The following BMP6 variants were observed in gnomAD, a reference collection of about 807,000 sequenced individuals.
BMP6 encodes bone morphogenetic protein 6.
Under a neutral mutation model 54.1 loss-of-function variants are expected in BMP6, and 17 were observed. That is an observed-to-expected ratio of 0.31 (90% CI 0.22 to 0.47). The LOEUF (loss-of-function observed/expected upper bound fraction) is 0.47, where lower values mean the gene tolerates loss of function less well. Ranked by LOEUF, BMP6 falls within the 20% of genes least tolerant of loss-of-function variation. BMP6 has a pLI of 1.00. For missense variants in BMP6, 720 were observed against 690.4 expected (o/e 1.04, Z -0.48); for synonymous variants, 328 against 291.2 (o/e 1.13, Z -1.28).
intron 1 of BMP6, among the ~76,000 whole-genome samples, chr6:7,762,833 A>G (rs1395592932): frequency 6.6e-6 from 1 of 152,182 alleles, no homozygotes; most frequent in African/African-American, 2.4e-5. Flanking sequence ...GGATAGGAGT[A>G]TGTTGCTAGA....
At chr6:7,874,065 A>G (rs1050347988) in intron 4 of BMP6, among the ~76,000 whole-genome samples, 6 of 152,118 alleles carry the variant, frequency 3.9e-5, no homozygotes, top group Non-Finnish European at 7.4e-5. Context: ...GGGCGTTAGG[A>G]CCTTGGGGTC....
At chr6:7,823,629 C>T (rs1385608982) in intron 1 of BMP6, among the ~76,000 whole-genome samples, 1 of 152,160 alleles carries the variant, frequency 6.6e-6, no homozygotes, top group Non-Finnish European at 1.5e-5. Context: ...GTCTACCTAA[C>T]ACAGAAGGTC....
At chr6:7,755,526 C>T (rs951612388) in intron 1 of BMP6, among the ~76,000 whole-genome samples, 1 of 152,128 alleles carries the variant, frequency 6.6e-6, no homozygotes, top group South Asian at 2.1e-4. Context: ...TGTTACAAAG[C>T]CCATAATACC....
intron 1 of BMP6, among the ~76,000 whole-genome samples, chr6:7,751,267 A>G (rs1343502683): frequency 6.6e-6 from 1 of 152,234 alleles, no homozygotes; most frequent in Non-Finnish European, 1.5e-5. Context: ...TTCCTCTGGC[A>G]AAGAAATGGA....
intron 4 of BMP6, among the ~76,000 whole-genome samples, chr6:7,867,379 A>G (rs1293340818): frequency 6.6e-6 from 1 of 152,214 alleles, no homozygotes; most frequent in African/African-American, 2.4e-5. Context: ...CATCTCTTGC[A>G]AAACAGCTGT....
chr6:7,841,758 C>T (rs1055844072), intron 1 of BMP6, among the ~76,000 whole-genome samples: 6 of 152,148 alleles, frequency 3.9e-5, no homozygotes, highest in South Asian at 2.1e-4. Context: ...CTAAGGAAGC[C>T]GTGCATCTTT....
intron 2 of BMP6, among the ~76,000 whole-genome samples, chr6:7,849,391 G>A (rs770901096): frequency 6.6e-6 from 1 of 152,126 alleles, no homozygotes; most frequent in South Asian, 2.1e-4. Context: ...TTACACAAAA[G>A]TATTATATAT....
chr6:7,755,071 A>G (rs565911992), intron 1 of BMP6, among the ~76,000 whole-genome samples: 1 of 152,308 alleles, frequency 6.6e-6, no homozygotes, highest in East Asian at 1.9e-4. Flanking sequence ...GTCTTTATAT[A>G]TAAAGTGGGT....
At chr6:7,783,138 A>T (rs1222911337) in intron 1 of BMP6, among the ~76,000 whole-genome samples, 3 of 152,176 alleles carry the variant, frequency 2.0e-5, no homozygotes, top group Non-Finnish European at 4.4e-5. Flanking sequence ...ACTGGAGAGG[A>T]TGCACAGCAA....
At chr6:7,753,537 G>A (rs1047832183) in intron 1 of BMP6, among the ~76,000 whole-genome samples, 2 of 152,138 alleles carry the variant, frequency 1.3e-5, no homozygotes, top group Non-Finnish European at 2.9e-5. Flanking sequence ...TCTGCACAGC[G>A]GTAACCCAGC....
chr6:7,788,505 C>T (rs142526820), intron 1 of BMP6, among the ~76,000 whole-genome samples: 25 of 152,130 alleles, frequency 1.6e-4, no homozygotes, highest in African/African-American at 5.8e-4. Context: ...TGTTTTTATG[C>T]CGAGAACTAA....
intron 1 of BMP6, among the ~76,000 whole-genome samples, chr6:7,813,408 C>G (rs1412910570): frequency 8.1e-6 from 1 of 124,128 alleles, no homozygotes; most frequent in Non-Finnish European, 1.6e-5. Context: ...GTTGCTTAAC[C>G]CTAGGAATCT....
intron 1 of BMP6, among the ~76,000 whole-genome samples, chr6:7,804,304 CACTTAAA>C (rs1758314644): frequency 6.6e-6 from 1 of 151,544 alleles, no homozygotes; most frequent in African/African-American, 2.4e-5. Flanking sequence ...TTTAAACTCT[CACTTAAA>C]ACTTACATAT....
intron 1 of BMP6, among the ~76,000 whole-genome samples, chr6:7,789,921 AAAAT>A (rs1484604245): frequency 6.6e-6 from 1 of 152,000 alleles, no homozygotes; most frequent in Non-Finnish European, 1.5e-5. Context: ...TTTTTTAAAT[AAAAT>A]CAAGTCATTT....
chr6:7,746,104 G>A (rs571551725), intron 1 of BMP6, among the ~76,000 whole-genome samples: 1 of 152,304 alleles, frequency 6.6e-6, no homozygotes, highest in Admixed American at 6.5e-5. Context: ...AGGCATTCCC[G>A]CCGGAGGAAT....
intron 1 of BMP6, among the ~76,000 whole-genome samples, chr6:7,732,470 G>C (rs180869908): frequency 1.3e-5 from 2 of 152,328 alleles, no homozygotes; most frequent in Non-Finnish European, 2.9e-5. Context: ...ATCATGGTTA[G>C]TTCCTCTATT....
At chr6:7,865,143 A>T (rs553750783) in intron 4 of BMP6, among the ~76,000 whole-genome samples, 254 of 152,338 alleles carry the variant, frequency 1.7e-3, no homozygotes, top group African/African-American at 5.9e-3. Flanking sequence ...TGATTTTAGC[A>T]ATATCAACCA....
intron 2 of BMP6, 127 bp from the exon 3 acceptor site, chr6:7,861,322 CTG>C (rs1431464322): frequency 8.1e-7 from 1 of 1,229,850 alleles, no homozygotes; most frequent in Non-Finnish European, 1.1e-6. Context: ...TGGCAAGTCA[CTG>C]TGCTTGTGCC....
At chr6:7,740,431 A>G (rs1762025648) in intron 1 of BMP6, among the ~76,000 whole-genome samples, 1 of 152,160 alleles carries the variant, frequency 6.6e-6, no homozygotes, top group Admixed American at 6.5e-5. Flanking sequence ...TTACAAGTGC[A>G]TTCGTAGAAA....
Sources: gnomAD v4.1 joint callset for allele counts (sites outside exome capture counted in the v4.1 genomes callset) on GRCh38, gnomAD v4.1.1 for gene constraint, MANE v1.5 for transcripts, NCBI Gene and HGNC (gene_info 2026-07-23, HGNC 2026-07-21) for gene names.